ITGAM: variants seen among roughly 807,000 people sequenced by gnomAD.
ITGAM encodes integrin subunit alpha M, also known as integrin alpha-M.
Under a neutral mutation model 137.5 loss-of-function variants are expected in ITGAM, and 79 were observed. The observed-to-expected ratio is 0.57, with a 90% CI of 0.48 to 0.69. The LOEUF (loss-of-function observed/expected upper bound fraction) is 0.69. Among genes scored for constraint, ITGAM ranks in the 30% least tolerant of loss-of-function variants. ITGAM has a pLI of 0.00. For synonymous variants in ITGAM, 583 were observed against 592.3 expected (o/e 0.98, Z 0.23); for missense variants, 1,343 against 1,483.5 (o/e 0.91, Z 1.56).
chr16:31,296,715 G>A (rs145251483), intron 12 of ITGAM, among the ~76,000 whole-genome samples: 167 of 152,180 alleles, frequency 1.1e-3, no homozygotes, highest in Non-Finnish European at 1.8e-3. Context: ...CCTCCACCTG[G>A]CTGCACTGAG....
rs1196393344 is a variant in ITGAM, at chr16:31,271,774, G to A, written c.559-73G>A. On this transcript the variant is annotated intron_variant, in intron 6 of 29. Transcript: ENST00000544665. ...GGAGAGTGGAGTGTTTAAGATCTTCGTGGAGCTTGCTGGGAGATGTCTGAG... is the reference window on the plus strand; with the variant it reads ...GGAGAGTGGAGTGTTTAAGATCTTCATGGAGCTTGCTGGGAGATGTCTGAG... 5.7e-6 allele frequency: 9 copies of A among 1,575,372 alleles called. No homozygotes were observed. In the East Asian group the frequency reaches 6.8e-5, roughly 12 times the overall value.
At chr16:31,300,360 G>A (rs982994670) in intron 14 of ITGAM, among the ~76,000 whole-genome samples, 4 of 152,118 alleles carry the variant, frequency 2.6e-5, no homozygotes, top group South Asian at 2.1e-4. Flanking sequence ...ACTTCCATAC[G>A]TTTTCCCTAG....
In ITGAM at chr16:31,325,476, G is replaced by A. The variant is rs372264891; in HGVS notation, c.2506-24G>A. 26 of 1,613,468 alleles carry A rather than the reference G, an allele frequency of 1.6e-5. No homozygotes were observed. In the East Asian group the frequency reaches 1.8e-4, roughly 11 times the overall value. On this transcript the variant is annotated intron_variant, in intron 20 of 29. Transcript: ENST00000544665. Reference sequence around the variant, plus strand: ...CTCACGGCCGGAGGTGGATATCACCGCCTTTGCCTCCCCTGCCTTCCAGAA... The same window carrying A: ...CTCACGGCCGGAGGTGGATATCACCACCTTTGCCTCCCCTGCCTTCCAGAA...
At chr16:31,310,309 C>T (rs569056318) in intron 14 of ITGAM, among the ~76,000 whole-genome samples, 1 of 152,278 alleles carries the variant, frequency 6.6e-6, no homozygotes, top group South Asian at 2.1e-4. Context: ...TGATTCCATT[C>T]TCCCCGTCAC....
chr16:31,293,403 T>C (rs570776450), intron 12 of ITGAM, among the ~76,000 whole-genome samples: 3 of 152,314 alleles, frequency 2.0e-5, no homozygotes, highest in Non-Finnish European at 4.4e-5. Flanking sequence ...CTTTAGTCTA[T>C]CTTGAGTTGA....
chr16:31,331,313 TCTCGGGC>T (rs776405921), intron 29 of ITGAM, 38 bp downstream of exon 29: 2 of 966,340 alleles, frequency 2.1e-6, no homozygotes, highest in East Asian at 6.9e-5. Context: ...CCCTTCATCC[TCTCGGGC>T]CTCGCGCTGC....
intron 14 of ITGAM, among the ~76,000 whole-genome samples, chr16:31,302,408 TTTTC>T (rs140903387): frequency 0.12 from 16,084 of 130,392 alleles, 1,450 homozygotes; most frequent in African/African-American, 0.24. Flanking sequence ...TTCTTTTCTT[TTTTC>T]TTTCTTTCTT....
intron 14 of ITGAM, among the ~76,000 whole-genome samples, chr16:31,302,465 T>TCC (rs2080214102): frequency 8.4e-6 from 1 of 119,612 alleles, no homozygotes; most frequent in East Asian, 1.9e-4. Context: ...CTTCCTTTCT[T>TCC]TCTTTCTTTC....
intron 14 of ITGAM, 81 bp from the exon 15 acceptor site, chr16:31,321,160 T>C: frequency 6.6e-7 from 1 of 1,507,936 alleles, no homozygotes; most frequent in Non-Finnish European, 9.1e-7. Flanking sequence ...AACCTCTGTC[T>C]GGGCCATGCT....
At chr16:31,290,795 T>C (rs2080079779) in intron 12 of ITGAM, among the ~76,000 whole-genome samples, 1 of 152,070 alleles carries the variant, frequency 6.6e-6, no homozygotes, top group Non-Finnish European at 1.5e-5. Flanking sequence ...AATAAAACCC[T>C]CTCTATTTGC....
intron 12 of ITGAM, among the ~76,000 whole-genome samples, chr16:31,279,533 C>T (rs1420985863): frequency 6.6e-6 from 1 of 152,136 alleles, no homozygotes; most frequent in Non-Finnish European, 1.5e-5. Flanking sequence ...GCATAAATGT[C>T]TTCTTTTGAG....
In ITGAM at chr16:31,278,047, G is replaced by A; in HGVS notation, c.1294G>A (p.Val432Ile). The A allele has an allele frequency of 6.2e-7, 1 of 1,608,180 alleles. No individual in the cohort carries two copies. The highest frequency in any genetic ancestry group is 8.5e-7 in the Non-Finnish European group (1 of 1,177,426). ...ACCTCGATATCAGCACATCGGCCTG[G>A]TAGCGATGTTCAGGCAGAACACTGG... is the stretch of plus-strand genomic sequence containing the variant. ...GAPRYQHIGLVAMFRQNTGMW... is the reference protein window; with the variant it reads ...GAPRYQHIGLIAMFRQNTGMW... The change falls in exon 12 of 30, where the codon GTA becomes ATA. Residue 432 changes from valine to isoleucine, a missense_variant. Transcript: ENST00000544665.
Position 31,288,851 on chromosome 16 carries a change from T to C in ITGAM, c.1357-8663T>C, listed in dbSNP as rs567927282. Among the ~76,000 whole-genome samples, 5 of 152,230 alleles carry C rather than the reference T, an allele frequency of 3.3e-5. No homozygotes were observed. In the East Asian group the frequency reaches 9.6e-4, roughly 29 times the overall value. ...ACAGAATGGGAGAAAATTTTTGCAA[T>C]CTACTCATCTGACAAAGGGCTAATA... On this transcript the variant is annotated intron_variant, in intron 12 of 29. Transcript: ENST00000544665.
At chr16:31,276,802 G>A in intron 10 of ITGAM, 58 bp downstream of exon 10, 1 of 1,562,826 alleles carries the variant, frequency 6.4e-7, no homozygotes, top group Middle Eastern at 1.7e-4. Flanking sequence ...GAAGAGATAG[G>A]AGAGATGTGG....
Position 31,263,867 on chromosome 16 carries a change from G to T in ITGAM, c.135-1528G>T, listed in dbSNP as rs554655689. 4.7e-5 allele frequency among the ~76,000 whole-genome samples: 7 copies of T among 148,938 alleles called. No individual in the cohort carries two copies. The East Asian group carries it at 1.2e-3, about 25-fold the overall frequency. ...TATTTATTTATTGAGATGGAGTCTC[G>T]CTTTGTCGTCCAGGCTGGAGTGCAG... On this transcript the variant is annotated intron_variant, in intron 2 of 29. Coordinates refer to ENST00000544665, the MANE Select transcript of ITGAM (RefSeq NM_000632.4).
In ITGAM at chr16:31,321,389, A is replaced by C. The variant is rs752162638; in HGVS notation, c.1838+18A>C. ...CTGCTCAGGTGAGAATGCCTTTTGG[A>C]GTCAACCGGACATTCTCCCTTGAAG... On this transcript the variant is annotated intron_variant, in intron 15 of 29. Coordinates refer to ENST00000544665, the MANE Select transcript of ITGAM (RefSeq NM_000632.4). The C allele has an allele frequency of 1.2e-6, 2 of 1,613,882 alleles. No homozygotes were observed. The highest frequency in any genetic ancestry group is 2.2e-5 in the South Asian group (2 of 91,076).
At chr16:31,327,029 TC>T in intron 22 of ITGAM, 94 bp downstream of exon 22, 1 of 900,672 alleles carries the variant, frequency 1.1e-6, no homozygotes, top group Non-Finnish European at 1.9e-6. Flanking sequence ...CCACTGGTTC[TC>T]CCTTCAACTC....
intron 12 of ITGAM, among the ~76,000 whole-genome samples, chr16:31,287,625 T>G (rs192373006): frequency 3.9e-5 from 6 of 152,328 alleles, no homozygotes; most frequent in Admixed American, 2.0e-4. Flanking sequence ...CGTTTCTGCC[T>G]GTAGTTCTGT....
chr16:31,303,365 C>G (rs2080234935), intron 14 of ITGAM, among the ~76,000 whole-genome samples: 1 of 152,118 alleles, frequency 6.6e-6, no homozygotes, highest in South Asian at 2.1e-4. Context: ...ATTTATATAG[C>G]TTTTCTAAAA....
Sources: allele counts gnomAD v4.1 joint callset (sites outside exome capture counted in the v4.1 genomes callset), GRCh38; gene constraint gnomAD v4.1.1; transcripts MANE v1.5; gene names NCBI Gene and HGNC (gene_info 2026-07-23, HGNC 2026-07-21).